The following LRP1B variants were observed in gnomAD, a reference collection of about 807,000 sequenced individuals.
The protein encoded by LRP1B is low-density lipoprotein receptor-related protein 1B.
A neutral mutation model predicts 556.6 loss-of-function variants in LRP1B; 217 were observed. The observed-to-expected ratio is 0.39, with a 90% CI of 0.35 to 0.44. LRP1B has a LOEUF of 0.44. LRP1B is among the 20% of genes least tolerant of loss of function. LRP1B has a pLI of 1.00. For synonymous variants in LRP1B, 2,047 were observed against 1,865.8 expected, an observed-to-expected ratio of 1.10 and a Z score of -2.50; for missense variants, 5,053 against 5,620.8, an observed-to-expected ratio of 0.90 and a Z score of 3.23.
intron 3 of LRP1B, among the ~76,000 whole-genome samples, chr2:141,376,940 A>C (rs1310867435): frequency 6.6e-6 from 1 of 152,154 alleles, no homozygotes; most frequent in East Asian, 1.9e-4. Context: ...AAAATGAAAA[A>C]TAAAGTACCT....
chr2:140,789,267 A>G (rs1690021979), intron 32 of LRP1B, among the ~76,000 whole-genome samples: 1 of 152,080 alleles, frequency 6.6e-6, no homozygotes, highest in Admixed American at 6.6e-5. Context: ...TACCTTAACA[A>G]TACATTCCAA....
chr2:140,437,001 C>A (rs1686212157), intron 66 of LRP1B, among the ~76,000 whole-genome samples: 1 of 152,168 alleles, frequency 6.6e-6, no homozygotes, highest in Admixed American at 6.5e-5. Context: ...TGGCTCCTCA[C>A]AGGACCTGGG....
At chr2:141,945,539 G>GTATA (rs10548880) in intron 1 of LRP1B, among the ~76,000 whole-genome samples, 16 of 148,400 alleles carry the variant, frequency 1.1e-4, no homozygotes, top group African/African-American at 3.0e-4. Context: ...ATGTATATAT[G>GTATA]TATATATATA....
At chr2:140,814,870 A>C (rs1396968091) in intron 31 of LRP1B, among the ~76,000 whole-genome samples, 3 of 152,128 alleles carry the variant, frequency 2.0e-5, no homozygotes, top group Admixed American at 1.3e-4. Flanking sequence ...TTCACATATT[A>C]CAGTGGTGGC....
intron 1 of LRP1B, among the ~76,000 whole-genome samples, chr2:141,942,661 T>A (rs529568520): frequency 6.6e-6 from 1 of 152,318 alleles, no homozygotes; most frequent in African/African-American, 2.4e-5. Context: ...GAACAAGATA[T>A]CAGATTCTCA....
intron 2 of LRP1B, among the ~76,000 whole-genome samples, chr2:141,522,509 C>G (rs571111823): frequency 3.9e-5 from 6 of 152,222 alleles, no homozygotes; most frequent in Non-Finnish European, 5.9e-5. Flanking sequence ...TCTTGAAGAT[C>G]AGATCGTATC....
At chr2:140,570,320 A>C (rs1234485922) in intron 43 of LRP1B, among the ~76,000 whole-genome samples, 1 of 151,644 alleles carries the variant, frequency 6.6e-6, no homozygotes, top group African/African-American at 2.4e-5. Flanking sequence ...AAAGACCCCA[A>C]AAATCATAAT....
At chr2:141,315,882 CTTTTTTTTT>C (rs70991157) in intron 3 of LRP1B, among the ~76,000 whole-genome samples, 81 of 18,146 alleles carry the variant, frequency 4.5e-3, no homozygotes, top group African/African-American at 0.018. Flanking sequence ...TTAGTCTGGT[CTTTTTTTTT>C]TTTTTTTTTT....
At chr2:141,629,319 C>A (rs548778620) in intron 2 of LRP1B, among the ~76,000 whole-genome samples, 100 of 152,286 alleles carry the variant, frequency 6.6e-4, no homozygotes, top group African/African-American at 2.3e-3. Flanking sequence ...ATTCTACCAT[C>A]TCCATATTTC....
chr2:140,861,423 G>T (rs540226142), intron 27 of LRP1B, among the ~76,000 whole-genome samples: 3 of 152,194 alleles, frequency 2.0e-5, no homozygotes, highest in Admixed American at 2.0e-4. Context: ...CAAAGAGAAA[G>T]ACTGATGTAT....
At chr2:140,823,295 T>C (rs1457641827) in intron 31 of LRP1B, among the ~76,000 whole-genome samples, 1 of 56,756 alleles carries the variant, frequency 1.8e-5, no homozygotes, top group Admixed American at 1.5e-4. Context: ...GTGGCTCTTC[T>C]TAATTGTTTA....
At chr2:141,243,783 C>T (rs866690289) in intron 5 of LRP1B, among the ~76,000 whole-genome samples, 13 of 152,130 alleles carry the variant, frequency 8.5e-5, no homozygotes, top group African/African-American at 2.9e-4. Context: ...CAGAGACAAT[C>T]TTACTAAGCG....
chr2:140,688,020 C>G (rs7557506), intron 41 of LRP1B, among the ~76,000 whole-genome samples: 87,917 of 151,900 alleles, frequency 0.58, 26,933 homozygotes, highest in Middle Eastern at 0.74. Context: ...AATATGTACA[C>G]TGTCTTTTAT....
intron 2 of LRP1B, among the ~76,000 whole-genome samples, chr2:141,712,720 A>G (rs1315959116): frequency 6.6e-6 from 1 of 151,842 alleles, no homozygotes; most frequent in Non-Finnish European, 1.5e-5. Flanking sequence ...CCCCGGCTAG[A>G]GTACAGTGGT....
At chr2:141,101,354 T>C (rs1700456365) in intron 7 of LRP1B, among the ~76,000 whole-genome samples, 1 of 152,160 alleles carries the variant, frequency 6.6e-6, no homozygotes, top group Admixed American at 6.5e-5. Context: ...TGCCCATCTC[T>C]ATCTCACCAC....
intron 1 of LRP1B, among the ~76,000 whole-genome samples, chr2:142,082,790 T>A (rs766603): frequency 0.74 from 112,434 of 152,130 alleles, 42,047 homozygotes; most frequent in Non-Finnish European, 0.78. Flanking sequence ...TAATGGGAAT[T>A]ATATCATCTA....
At chr2:141,557,930 G>A (rs906569718) in intron 2 of LRP1B, among the ~76,000 whole-genome samples, 4 of 151,968 alleles carry the variant, frequency 2.6e-5, no homozygotes, top group African/African-American at 9.6e-5. Context: ...TTCAGCCACA[G>A]CCACCTACAC....
intron 18 of LRP1B, among the ~76,000 whole-genome samples, chr2:140,971,905 T>G (rs1573937964): frequency 6.6e-6 from 1 of 152,296 alleles, no homozygotes; most frequent in East Asian, 1.9e-4. Context: ...CAAGACCTAC[T>G]GAATGAAAAT....
chr2:142,037,333 T>C (rs982371900), intron 1 of LRP1B, among the ~76,000 whole-genome samples: 2 of 151,648 alleles, frequency 1.3e-5, no homozygotes, highest in Middle Eastern at 3.4e-3. Flanking sequence ...CAGAACACCA[T>C]GCACATTCTG....
Sources: allele counts gnomAD v4.1 joint callset (sites outside exome capture counted in the v4.1 genomes callset), GRCh38; gene constraint gnomAD v4.1.1; transcripts MANE v1.5; gene names NCBI Gene and HGNC (gene_info 2026-07-23, HGNC 2026-07-21).